ANKRD44: variants seen among roughly 807,000 people sequenced by gnomAD.
ANKRD44 encodes serine/threonine-protein phosphatase 6 regulatory ankyrin repeat subunit B.
In ANKRD44, 35 loss-of-function variants were observed where a neutral mutation model predicts 116.0. That is an observed-to-expected ratio of 0.30 (90% confidence interval 0.23 to 0.40). ANKRD44 has a LOEUF of 0.40. Ranked by LOEUF, ANKRD44 falls within the 10% of genes least tolerant of loss-of-function variation. The pLI is 1.00. For synonymous variants in ANKRD44, 435 were observed against 461.8 expected (o/e 0.94, Z 0.74); for missense variants, 1,014 against 1,242.6 (o/e 0.82, Z 2.77).
chr2:196,997,543 G>A (rs1422531808), intron 25 of ANKRD44, among the ~76,000 whole-genome samples: 4 of 148,350 alleles, frequency 2.7e-5, no homozygotes, highest in Admixed American at 6.8e-5. Flanking sequence ...TCTGCCTCCC[G>A]GGTTCAAACG....
rs558454432 is a variant in ANKRD44, at chr2:197,239,299, A to G, written c.28-52193T>C. 6.3e-4 allele frequency among the ~76,000 whole-genome samples: 96 copies of G among 152,260 alleles called. 2 individuals carry two copies. The highest frequency in any genetic ancestry group is 2.2e-3 in the African/African-American group (92 of 41,554). On this transcript the variant is annotated intron_variant, in intron 1 of 27. Coordinates refer to ENST00000282272, the MANE Select transcript of ANKRD44 (RefSeq NM_001195144.2). ...GTCTCAGTCACCCAGGCTAGAGAGC[A>G]TGGCTCACTGAAGCCTTGGCCACCC... is the stretch of plus-strand genomic sequence containing the variant.
At chr2:197,118,736 A>G (rs2078781906) in intron 8 of ANKRD44, among the ~76,000 whole-genome samples, 1 of 152,222 alleles carries the variant, frequency 6.6e-6, no homozygotes, top group African/African-American at 2.4e-5. Flanking sequence ...ATATTGGTAC[A>G]TACTCCAGAG....
At chr2:196,990,602 A>C in intron 27 of ANKRD44, 1 of 1,231,362 alleles carries the variant, frequency 8.1e-7, no homozygotes, top group Middle Eastern at 3.1e-4. Context: ...ATACTTGAAT[A>C]CAACATAAAC....
chr2:197,131,443 G>A (rs1308561871), intron 4 of ANKRD44, among the ~76,000 whole-genome samples: 2 of 151,926 alleles, frequency 1.3e-5, no homozygotes, highest in Admixed American at 1.3e-4. Context: ...CGCCCGCCTC[G>A]GCCTCCCAAA....
At chr2:197,229,992 T>C (rs1175514524) in intron 1 of ANKRD44, among the ~76,000 whole-genome samples, 3 of 152,024 alleles carry the variant, frequency 2.0e-5, no homozygotes, top group African/African-American at 7.2e-5. Context: ...ACCCAGATCA[T>C]CTAGGAAATA....
intron 16 of ANKRD44, among the ~76,000 whole-genome samples, chr2:197,034,083 A>AGAGAGAGAGAGAGAGAGAGAGC (rs1410716481): frequency 2.6e-5 from 4 of 151,732 alleles, no homozygotes; most frequent in African/African-American, 9.7e-5. Flanking sequence ...AGAGAGAGAG[A>AGAGAGAGAGAGAGAGAGAGAGC]GAGCTCATAC....
At chr2:197,271,651 T>C (rs563438365) in intron 1 of ANKRD44, among the ~76,000 whole-genome samples, 10 of 152,356 alleles carry the variant, frequency 6.6e-5, no homozygotes, top group Middle Eastern at 3.4e-3. Flanking sequence ...TTGCTTTGTT[T>C]TTGAGACAGG....
chr2:197,113,754 T>G (rs1205651868), intron 8 of ANKRD44, among the ~76,000 whole-genome samples: 1 of 152,224 alleles, frequency 6.6e-6, no homozygotes, highest in Non-Finnish European at 1.5e-5. Context: ...TAAATGGAGA[T>G]GACCAAAGTT....
intron 1 of ANKRD44, among the ~76,000 whole-genome samples, chr2:197,252,406 T>A (rs1334886522): frequency 7.1e-6 from 1 of 141,488 alleles, no homozygotes; most frequent in Non-Finnish European, 1.5e-5. Flanking sequence ...ATATATGTAA[T>A]TTTTTTTTTC....
At chr2:196,969,412 C>A (rs1442773499) in intron 21 of ANKRD44, among the ~76,000 whole-genome samples, 1 of 152,032 alleles carries the variant, frequency 6.6e-6, no homozygotes, top group Non-Finnish European at 1.5e-5. Context: ...TCTTCATTTT[C>A]ATTCCTGTTT....
At chr2:197,111,240 G>GT (rs1159767600) in intron 8 of ANKRD44, among the ~76,000 whole-genome samples, 1 of 152,086 alleles carries the variant, frequency 6.6e-6, no homozygotes, top group Non-Finnish European at 1.5e-5. Flanking sequence ...CCTTCAAGGT[G>GT]TTTTTTTCAA....
chr2:197,278,646 C>T (rs2083171455), intron 1 of ANKRD44, among the ~76,000 whole-genome samples: 2 of 152,216 alleles, frequency 1.3e-5, no homozygotes, highest in African/African-American at 4.8e-5. Context: ...ACAAAACTCA[C>T]TTTTATCCCT....
intron 2 of ANKRD44, among the ~76,000 whole-genome samples, chr2:197,147,573 T>C (rs1414513933): frequency 6.6e-6 from 1 of 152,176 alleles, no homozygotes; most frequent in African/African-American, 2.4e-5. Flanking sequence ...CTCCTTTCTA[T>C]GCTTGTTAAT....
chr2:197,117,739 T>C (rs553660867), intron 8 of ANKRD44, among the ~76,000 whole-genome samples: 1 of 152,170 alleles, frequency 6.6e-6, no homozygotes, highest in South Asian at 2.1e-4. Context: ...GTCTTGCTGA[T>C]TTTCTTTCTG....
At chr2:197,188,682 G>A (rs1382966145) in intron 1 of ANKRD44, among the ~76,000 whole-genome samples, 2 of 152,278 alleles carry the variant, frequency 1.3e-5, no homozygotes, top group East Asian at 3.9e-4. Flanking sequence ...ATTAAGAAAT[G>A]TTTCACGATG....
chr2:196,993,861 T>C (rs146548591), intron 26 of ANKRD44, among the ~76,000 whole-genome samples, 187 bp from the exon 27 acceptor site: 3 of 152,364 alleles, frequency 2.0e-5, no homozygotes, highest in Non-Finnish European at 4.4e-5. Context: ...ACTGTTGTTG[T>C]ATGTTTGGCC....
chr2:196,993,430 A>G (rs567833055), intron 27 of ANKRD44, among the ~76,000 whole-genome samples, 153 bp downstream of exon 27: 92 of 152,346 alleles, frequency 6.0e-4, no homozygotes, highest in African/African-American at 2.1e-3. Context: ...CAGACAGGAC[A>G]AGTTATCCTT....
At chr2:197,229,829 C>T (rs964791331) in intron 1 of ANKRD44, among the ~76,000 whole-genome samples, 1 of 152,140 alleles carries the variant, frequency 6.6e-6, no homozygotes, top group Non-Finnish European at 1.5e-5. Flanking sequence ...TGCTTAACCA[C>T]CTTCCTATGA....
chr2:197,029,053 A>G (rs1368556898), intron 16 of ANKRD44: 2 of 157,908 alleles, frequency 1.3e-5, no homozygotes, highest in Non-Finnish European at 2.7e-5. Context: ...ATATGTATAC[A>G]TGTGCCATGT....
Sources: gnomAD v4.1 joint callset for allele counts (sites outside exome capture counted in the v4.1 genomes callset) on GRCh38, gnomAD v4.1.1 for gene constraint, MANE v1.5 for transcripts, NCBI Gene and HGNC (gene_info 2026-07-23, HGNC 2026-07-21) for gene names.